The following SEMA6D variants were observed in gnomAD, a reference collection of about 807,000 sequenced individuals.
SEMA6D encodes semaphorin 6D.
Under a neutral mutation model 106.6 loss-of-function variants are expected in SEMA6D, and 35 were observed. The ratio of observed to expected loss-of-function variants is 0.33; its 90% CI spans 0.25 to 0.44. The LOEUF (loss-of-function observed/expected upper bound fraction) is 0.44, where lower values mean the gene tolerates loss of function less well. Ranked by LOEUF, SEMA6D falls within the 20% of genes least tolerant of loss-of-function variation. The probability of loss-of-function intolerance (pLI) is 1.00; values close to 1 mark genes in which losing one functional copy is unlikely to be tolerated. For synonymous variants in SEMA6D, 499 were observed against 487.7 expected, an observed-to-expected ratio of 1.02 and a Z score of -0.31; for missense variants, 1,185 against 1,345.9, an observed-to-expected ratio of 0.88 and a Z score of 1.87.
chr15:47,239,678 C>T lies in SEMA6D; in HGVS notation c.-239+55260C>T, dbSNP rs2032783999. ...GCAGTGTGTAAGAGCCTGGCTGGCT[C>T]TGTTACCATTGCATTGTGTGATTGT... is the stretch of plus-strand genomic sequence containing the variant. On this transcript the variant is annotated intron_variant, in intron 1 of 19. Coordinates refer to the SEMA6D transcript ENST00000558014. Among the ~76,000 whole-genome samples the T allele has an allele frequency of 2.6e-5, 4 of 152,046 alleles. 1 individual carries two copies. The South Asian group carries it at 8.3e-4, about 32-fold the overall frequency.
chr15:47,235,983 A>G (rs1411168245), intron 1 of SEMA6D, among the ~76,000 whole-genome samples: 1 of 152,058 alleles, frequency 6.6e-6, no homozygotes, highest in African/African-American at 2.4e-5. Context: ...TGTTATTTTC[A>G]AGACTGCTGT....
chr15:47,699,054 C>G (rs1256281252), intron 4 of SEMA6D, among the ~76,000 whole-genome samples: 3 of 152,042 alleles, frequency 2.0e-5, no homozygotes, highest in African/African-American at 7.2e-5. Context: ...AAGAATAATC[C>G]CTAAGTTGCT....
intron 1 of SEMA6D, among the ~76,000 whole-genome samples, chr15:47,311,725 C>A (rs1227970137): frequency 6.6e-6 from 1 of 152,126 alleles, no homozygotes; most frequent in African/African-American, 2.4e-5. Context: ...TTCTTCCACA[C>A]AGCAGTTAAC....
chr15:47,462,029 A>G (rs2042529107), intron 2 of SEMA6D, among the ~76,000 whole-genome samples: 1 of 151,946 alleles, frequency 6.6e-6, no homozygotes, highest in Non-Finnish European at 1.5e-5. Context: ...CTAGATACTG[A>G]TGTTTTTCTC....
intron 1 of SEMA6D, among the ~76,000 whole-genome samples, chr15:47,717,927 C>G (rs566325661): frequency 4.0e-5 from 6 of 151,040 alleles, no homozygotes; most frequent in Non-Finnish European, 7.4e-5. Flanking sequence ...CTCTGCCTGC[C>G]GTGCAAGGGA....
Position 47,766,007 on chromosome 15 carries a change from AAAGT to A in SEMA6D, c.1568+2_1568+5del. 1 of 1,602,182 alleles carries A rather than the reference AAAGT, an allele frequency of 6.2e-7. No homozygotes were observed. Among genetic ancestry groups the A allele is most frequent in the Non-Finnish European group, 8.5e-7 (1 of 1,173,192 alleles). ...GCTGTGAGCGTTATGGATCATGTAA[AAAGT>A]AAGCTCGTGTTTCTTTACTTACCCT... is the stretch of plus-strand genomic sequence containing the variant. On this transcript the variant is annotated splice_donor_variant and coding_sequence_variant, in exon 14 of 19. Coordinates refer to ENST00000536845, the MANE Select transcript of SEMA6D (RefSeq NM_001358351.3). LOFTEE classifies it high-confidence loss of function.
intron 1 of SEMA6D, among the ~76,000 whole-genome samples, chr15:47,192,793 G>T (rs939594383): frequency 5.9e-5 from 9 of 152,288 alleles, no homozygotes; most frequent in Middle Eastern, 3.4e-3. Flanking sequence ...CATCTTGGAA[G>T]AGACAACTTG....
At chr15:47,346,998 T>C (rs1467108025) in intron 1 of SEMA6D, among the ~76,000 whole-genome samples, 1 of 152,030 alleles carries the variant, frequency 6.6e-6, no homozygotes, top group Non-Finnish European at 1.5e-5. Context: ...AACTTCCCCC[T>C]CCCGGGTTCA....
chr15:47,216,045 G>C (rs931156889), intron 1 of SEMA6D, among the ~76,000 whole-genome samples: 21 of 152,142 alleles, frequency 1.4e-4, no homozygotes, highest in African/African-American at 5.1e-4. Flanking sequence ...ATGATACTCG[G>C]TCTAAATTAG....
chr15:47,738,779 T>G (rs1266841571), intron 1 of SEMA6D, among the ~76,000 whole-genome samples: 1 of 152,180 alleles, frequency 6.6e-6, no homozygotes, highest in Non-Finnish European at 1.5e-5. Flanking sequence ...CCCCTGAATC[T>G]ACAATGTGGG....
chr15:47,559,286 T>G (rs1040730025), intron 3 of SEMA6D, among the ~76,000 whole-genome samples: 2 of 152,056 alleles, frequency 1.3e-5, no homozygotes, highest in Non-Finnish European at 2.9e-5. Flanking sequence ...AAAGCAACTA[T>G]AAAACTGGAC....
chr15:47,553,465 T>C (rs986157774), intron 3 of SEMA6D, among the ~76,000 whole-genome samples: 1 of 152,172 alleles, frequency 6.6e-6, no homozygotes, highest in African/African-American at 2.4e-5. Context: ...ATCACCCTTT[T>C]CCTTTTGGCT....
intron 1 of SEMA6D, among the ~76,000 whole-genome samples, chr15:47,395,955 C>T (rs1048539423): frequency 3.9e-5 from 6 of 152,044 alleles, no homozygotes; most frequent in African/African-American, 1.4e-4. Flanking sequence ...GGAGATGGGG[C>T]CTTTGAGAGG....
At position 47,717,663 on chromosome 15, in the gene SEMA6D, C is replaced by G. The variant is rs1176222944; in HGVS notation, c.-84C>G. On this transcript the variant is annotated 5_prime_UTR_variant, in exon 1 of 19. Coordinates refer to ENST00000536845, the MANE Select transcript of SEMA6D (RefSeq NM_001358351.3). ...GTGGCAAGCTTTTTTTTTTCTTTTTCTTTTTTCTTACCAGCCTCCCCCCAA... is the reference window on the plus strand; with the variant it reads ...GTGGCAAGCTTTTTTTTTTCTTTTTGTTTTTTCTTACCAGCCTCCCCCCAA... The G allele has an allele frequency of 7.0e-6, 1 of 142,622 alleles. No homozygotes were observed. Among genetic ancestry groups the G allele is most frequent in the Admixed American group, 6.9e-5 (1 of 14,432 alleles). 8.8% of individuals were successfully genotyped at this position (142,622 alleles called of 1,614,324 possible).
At chr15:47,763,803 C>T in intron 9 of SEMA6D, 47 bp from the exon 10 acceptor site, 1 of 1,523,164 alleles carries the variant, frequency 6.6e-7, no homozygotes, top group Non-Finnish European at 9.1e-7. Context: ...GTTTCCATTC[C>T]TTTCCATGCT....
At chr15:47,344,732 C>G (rs940283233) in intron 1 of SEMA6D, among the ~76,000 whole-genome samples, 5 of 152,034 alleles carry the variant, frequency 3.3e-5, no homozygotes, top group Admixed American at 3.3e-4. Flanking sequence ...CAAAATATGG[C>G]AAGAAGAAAA....
chr15:47,312,881 A>G (rs968725772), intron 1 of SEMA6D, among the ~76,000 whole-genome samples: 3 of 152,206 alleles, frequency 2.0e-5, no homozygotes, highest in Non-Finnish European at 4.4e-5. Context: ...CAGATTAGTC[A>G]CATTTCAAGT....
chr15:47,428,911 AAAG>A (rs2041433383), intron 2 of SEMA6D, among the ~76,000 whole-genome samples: 1 of 151,844 alleles, frequency 6.6e-6, no homozygotes. Context: ...AAAGAAGTGG[AAAG>A]AAGGAAGGGA....
At chr15:47,578,413 C>A (rs764360468) in intron 3 of SEMA6D, among the ~76,000 whole-genome samples, 5 of 152,100 alleles carry the variant, frequency 3.3e-5, no homozygotes, top group Admixed American at 6.5e-5. Flanking sequence ...TGTTTATGTG[C>A]GTTCACATGG....
Sources: allele counts gnomAD v4.1 joint callset (sites outside exome capture counted in the v4.1 genomes callset), GRCh38; gene constraint gnomAD v4.1.1; transcripts MANE v1.5; gene names NCBI Gene and HGNC (gene_info 2026-07-23, HGNC 2026-07-21).